Variants in OTUD7A observed in about 807,000 individuals in gnomAD.
OTUD7A encodes the protein OTU deubiquitinase 7A.
A neutral mutation model predicts 65.7 loss-of-function variants in OTUD7A; 12 were observed. That is an observed-to-expected ratio of 0.18 (90% CI 0.12 to 0.30). The LOEUF (loss-of-function observed/expected upper bound fraction) is 0.30, where lower values mean the gene tolerates loss of function less well. Ranked by LOEUF, OTUD7A falls within the 10% of genes least tolerant of loss-of-function variation. The pLI is 1.00. For synonymous variants in OTUD7A, 641 were observed against 586.3 expected (o/e 1.09, Z -1.35); for missense variants, 1,148 against 1,304.8 (o/e 0.88, Z 1.85).
chr15:31,589,463 GTTTTT>G (rs58276599), intron 3 of OTUD7A, among the ~76,000 whole-genome samples: 12 of 116,352 alleles, frequency 1.0e-4, no homozygotes, highest in Non-Finnish European at 1.6e-4. Flanking sequence ...TCCTGGGCTT[GTTTTT>G]TTTTTTTTTT....
intron 1 of OTUD7A, among the ~76,000 whole-genome samples, chr15:31,744,683 T>C (rs1894430784): frequency 1.3e-5 from 2 of 152,066 alleles, no homozygotes; most frequent in Non-Finnish European, 1.5e-5. Context: ...GTACAAAAGA[T>C]TGTAGCCAGT....
Position 31,724,373 on chromosome 15 carries a change from T to C in OTUD7A, c.-99-67296A>G, listed in dbSNP as rs564545848. On this transcript the variant is annotated intron_variant, in intron 1 of 12. Coordinates refer to ENST00000307050, the MANE Select transcript of OTUD7A (RefSeq NM_001382637.1). ...TTCTTGGGGTTATTTTTCTCCTAAATGTTCACACTTTAATGCATCTGGAAG... is the reference window on the plus strand; with the variant it reads ...TTCTTGGGGTTATTTTTCTCCTAAACGTTCACACTTTAATGCATCTGGAAG... Among the ~76,000 whole-genome samples the C allele has an allele frequency of 3.9e-3, 587 of 152,224 alleles. 2 individuals carry two copies. The highest frequency in any genetic ancestry group is 0.013 in the Admixed American group (200 of 15,292).
intron 3 of OTUD7A, among the ~76,000 whole-genome samples, chr15:31,606,332 G>T (rs1383158951): frequency 6.6e-6 from 1 of 152,194 alleles, no homozygotes; most frequent in Non-Finnish European, 1.5e-5. Context: ...GGTTTCAGAG[G>T]CCTCCGTTAT....
chr15:31,803,710 G>A lies in OTUD7A; in HGVS notation c.-100+66797C>T, dbSNP rs996339652. Among the ~76,000 whole-genome samples the A allele has an allele frequency of 1.5e-4, 23 of 152,318 alleles. No homozygotes were observed. In the South Asian group the frequency reaches 4.1e-3, roughly 27 times the overall value. Reference sequence around the variant, plus strand: ...ACCCTGTTCTCAGAAAGTTTCCATCGCTGCAGTGAGTCACATAAGTGCCTT... The same window carrying A: ...ACCCTGTTCTCAGAAAGTTTCCATCACTGCAGTGAGTCACATAAGTGCCTT... On this transcript the variant is annotated intron_variant, in intron 1 of 12. Transcript: ENST00000307050.
At chr15:31,738,903 T>C (rs1894264407) in intron 1 of OTUD7A, among the ~76,000 whole-genome samples, 1 of 152,176 alleles carries the variant, frequency 6.6e-6, no homozygotes, top group Non-Finnish European at 1.5e-5. Flanking sequence ...AGCAAGGGAT[T>C]CCCACACCAT....
intron 3 of OTUD7A, among the ~76,000 whole-genome samples, chr15:31,593,432 G>A (rs1441381754): frequency 6.6e-6 from 1 of 152,162 alleles, no homozygotes; most frequent in East Asian, 1.9e-4. Flanking sequence ...AGTGGGCAGT[G>A]GATGCTGGGG....
chr15:31,746,439 C>T (rs1007378755), intron 1 of OTUD7A, among the ~76,000 whole-genome samples: 8 of 151,634 alleles, frequency 5.3e-5, no homozygotes, highest in Admixed American at 4.6e-4. Flanking sequence ...TGGATATACT[C>T]GGCCATATGG....
chr15:31,505,225 T>G (rs539756435), intron 8 of OTUD7A, among the ~76,000 whole-genome samples: 1 of 152,290 alleles, frequency 6.6e-6, no homozygotes, highest in South Asian at 2.1e-4. Flanking sequence ...AACTTTGAAT[T>G]TTTTAAAAGA....
intron 1 of OTUD7A, among the ~76,000 whole-genome samples, chr15:31,772,897 T>C (rs368446716): frequency 9.4e-4 from 143 of 152,330 alleles, no homozygotes; most frequent in South Asian, 9.3e-3. Flanking sequence ...GAAGTTTGTA[T>C]ATAATGTCAA....
At chr15:31,727,874 C>A (rs573464193) in intron 1 of OTUD7A, among the ~76,000 whole-genome samples, 1 of 152,282 alleles carries the variant, frequency 6.6e-6, no homozygotes, top group East Asian at 1.9e-4. Flanking sequence ...CTTTCTGTGG[C>A]TATCTGACAT....
At chr15:31,665,522 A>T (rs1892295201) in intron 1 of OTUD7A, among the ~76,000 whole-genome samples, 1 of 152,210 alleles carries the variant, frequency 6.6e-6, no homozygotes, top group Non-Finnish European at 1.5e-5. Flanking sequence ...GTATCCAGAA[A>T]CTTTGCTGAA....
At chr15:31,558,564 C>T (rs1349558940) in intron 5 of OTUD7A, 2 of 223,038 alleles carry the variant, frequency 9.0e-6, no homozygotes, top group Non-Finnish European at 1.8e-5. Context: ...AGAGAGATCA[C>T]CTGACTTGCC....
chr15:31,821,409 G>A (rs977024230), intron 1 of OTUD7A, among the ~76,000 whole-genome samples: 2 of 150,228 alleles, frequency 1.3e-5, no homozygotes, highest in African/African-American at 2.5e-5. Context: ...CTCCCAAAGT[G>A]CTGAGATTAC....
intron 3 of OTUD7A, among the ~76,000 whole-genome samples, chr15:31,581,596 C>T (rs1889373180): frequency 6.6e-6 from 1 of 152,254 alleles, no homozygotes; most frequent in African/African-American, 2.4e-5. Flanking sequence ...AGGCTTAACA[C>T]CATGTGGAAG....
intron 10 of OTUD7A, among the ~76,000 whole-genome samples, chr15:31,497,518 G>T: frequency 6.6e-6 from 1 of 152,156 alleles, no homozygotes; most frequent in Non-Finnish European, 1.5e-5. Flanking sequence ...CCAAAGTGCT[G>T]AGATTACAGG....
intron 1 of OTUD7A, among the ~76,000 whole-genome samples, chr15:31,693,028 G>A (rs1254953680): frequency 6.6e-6 from 1 of 151,976 alleles, no homozygotes; most frequent in Non-Finnish European, 1.5e-5. Flanking sequence ...TAGGAAATGG[G>A]CTTTAATTCA....
At chr15:31,504,733 G>A (rs969475460) in intron 8 of OTUD7A, among the ~76,000 whole-genome samples, 1 of 152,182 alleles carries the variant, frequency 6.6e-6, no homozygotes, top group African/African-American at 2.4e-5. Context: ...TGTGGCCCCT[G>A]GCATGGCCTG....
chr15:31,856,271 T>C (rs1404816823), intron 1 of OTUD7A, among the ~76,000 whole-genome samples: 2 of 152,212 alleles, frequency 1.3e-5, no homozygotes, highest in Non-Finnish European at 2.9e-5. Flanking sequence ...AGACCATTTC[T>C]AGAAAGATGC....
intron 1 of OTUD7A, among the ~76,000 whole-genome samples, chr15:31,822,367 C>T (rs17684672): frequency 0.01 from 1,593 of 152,296 alleles, 71 homozygotes; most frequent in East Asian, 0.092. Flanking sequence ...TTGGGCATCA[C>T]GGACCCCGCA....
Sources: gnomAD v4.1 joint callset for allele counts (sites outside exome capture counted in the v4.1 genomes callset) on GRCh38, gnomAD v4.1.1 for gene constraint, MANE v1.5 for transcripts, NCBI Gene and HGNC (gene_info 2026-07-23, HGNC 2026-07-21) for gene names.